GFRA1: variants seen among roughly 807,000 people sequenced by gnomAD.
GFRA1 encodes GDNF family receptor alpha-1.
Under a neutral mutation model 51.6 loss-of-function variants are expected in GFRA1, and 16 were observed. The ratio of observed to expected loss-of-function variants is 0.31; its 90% CI spans 0.21 to 0.47. The LOEUF (loss-of-function observed/expected upper bound fraction) is 0.47, where lower values mean the gene tolerates loss of function less well. Ranked by LOEUF, GFRA1 falls within the 20% of genes least tolerant of loss-of-function variation. The probability of loss-of-function intolerance (pLI) is 1.00; values close to 1 mark genes in which losing one functional copy is unlikely to be tolerated. For synonymous variants in GFRA1, 270 were observed against 241.3 expected (o/e 1.12, Z -1.10); for missense variants, 530 against 594.3 (o/e 0.89, Z 1.13).
intron 9 of GFRA1, among the ~76,000 whole-genome samples, chr10:116,085,151 C>T (rs769012873): frequency 7.2e-5 from 11 of 152,160 alleles, no homozygotes; most frequent in East Asian, 1.9e-4. Context: ...ACCATGGATG[C>T]GTCCTATATT....
At chr10:116,101,170 C>A (rs1331216026) in intron 6 of GFRA1, among the ~76,000 whole-genome samples, 1 of 152,144 alleles carries the variant, frequency 6.6e-6, no homozygotes, top group Non-Finnish European at 1.5e-5. Flanking sequence ...CCCTGCCCAC[C>A]CTGGGTTATG....
At chr10:116,231,543 A>G (rs1036466843) in intron 4 of GFRA1, among the ~76,000 whole-genome samples, 1 of 152,214 alleles carries the variant, frequency 6.6e-6, no homozygotes, top group African/African-American at 2.4e-5. Flanking sequence ...TTTAAAGTGT[A>G]CCTATGTTAG....
At chr10:116,180,180 C>G (rs1309526500) in intron 5 of GFRA1, among the ~76,000 whole-genome samples, 1 of 152,122 alleles carries the variant, frequency 6.6e-6, no homozygotes, top group African/African-American at 2.4e-5. Flanking sequence ...CTGAGGTGAA[C>G]ATTCAGAAAA....
intron 4 of GFRA1, among the ~76,000 whole-genome samples, chr10:116,228,029 T>C (rs114162815): frequency 0.01 from 1,540 of 152,362 alleles, 25 homozygotes; most frequent in African/African-American, 0.035. Flanking sequence ...TTGAGGCATC[T>C]TCAACTTATA....
At chr10:116,209,007 T>C (rs2134431763) in intron 5 of GFRA1, among the ~76,000 whole-genome samples, 1 of 152,298 alleles carries the variant, frequency 6.6e-6, no homozygotes, top group East Asian at 1.9e-4. Flanking sequence ...CTTGAAAACA[T>C]GGCCCCGTGG....
At chr10:116,274,174 C>A (rs571841391), upstream of GFRA1, among the ~76,000 whole-genome samples, 16 of 147,512 alleles carry the variant, frequency 1.1e-4, no homozygotes, top group South Asian at 1.1e-3. Flanking sequence ...CCCCGCCCCC[C>A]ACGCCTGACA....
chr10:116,247,554 G>A (rs571612572), intron 4 of GFRA1, among the ~76,000 whole-genome samples: 27 of 152,254 alleles, frequency 1.8e-4, no homozygotes, highest in African/African-American at 6.0e-4. Context: ...TGACTTACTG[G>A]GGTGCATTTC....
chr10:116,109,455 A>C (rs1387172807), intron 6 of GFRA1, among the ~76,000 whole-genome samples: 2 of 152,158 alleles, frequency 1.3e-5, no homozygotes, highest in Non-Finnish European at 2.9e-5. Flanking sequence ...TAAAAACATA[A>C]AAAAAATAAT....
intron 5 of GFRA1, among the ~76,000 whole-genome samples, chr10:116,141,808 T>C (rs1202982121): frequency 6.6e-6 from 1 of 152,130 alleles, no homozygotes; most frequent in Non-Finnish European, 1.5e-5. Flanking sequence ...GGTCTCAAAC[T>C]CCTGACCTCA....
intron 4 of GFRA1, among the ~76,000 whole-genome samples, chr10:116,221,765 T>C (rs1965942589): frequency 6.6e-6 from 1 of 152,192 alleles, no homozygotes; most frequent in Admixed American, 6.5e-5. Flanking sequence ...CCCATGTTTC[T>C]AGATCCCCAG....
intron 5 of GFRA1, among the ~76,000 whole-genome samples, chr10:116,172,259 T>C (rs1422277158): frequency 6.6e-6 from 1 of 151,968 alleles, no homozygotes; most frequent in Non-Finnish European, 1.5e-5. Flanking sequence ...CACTAGACAT[T>C]AGAGGTAAGA....
chr10:116,065,502 T>G (rs1257956970), intron 10 of GFRA1, 71 bp downstream of exon 10: 1 of 1,224,894 alleles, frequency 8.2e-7, no homozygotes, highest in East Asian at 2.4e-5. Context: ...CTTTATATGA[T>G]ACCCTGCCCC....
At position 116,085,821 on chromosome 10, in the gene GFRA1, G is replaced by A. The variant is rs552344172; in HGVS notation, c.1197+3920C>T. On this transcript the variant is annotated intron_variant, in intron 9 of 10. Coordinates refer to ENST00000355422, the MANE Select transcript of GFRA1 (RefSeq NM_005264.8). ...CCCCTATGTTGTCTCCTGGAATTGA[G>A]GCATGAAGAAAGAAACCCAGTCTGA... 2.0e-5 allele frequency among the ~76,000 whole-genome samples: 3 copies of A among 152,284 alleles called. No individual in the cohort carries two copies. In the East Asian group the frequency reaches 5.8e-4, roughly 29 times the overall value.
At chr10:116,083,114 C>G (rs539907530) in intron 9 of GFRA1, among the ~76,000 whole-genome samples, 2 of 152,354 alleles carry the variant, frequency 1.3e-5, no homozygotes, top group East Asian at 3.9e-4. Context: ...GATTCTCACT[C>G]AGGTCCAACT....
At chr10:116,093,609 C>T (rs557361219) in intron 8 of GFRA1, 93 bp downstream of exon 8, 2 of 1,103,834 alleles carry the variant, frequency 1.8e-6, no homozygotes, top group South Asian at 2.5e-5. Context: ...GCACAAGGTA[C>T]AAGAGGTACA....
At chr10:116,223,356 A>G (rs1020275946) in intron 4 of GFRA1, among the ~76,000 whole-genome samples, 3 of 152,216 alleles carry the variant, frequency 2.0e-5, no homozygotes, top group African/African-American at 7.2e-5. Context: ...AAATGCTAGT[A>G]TTTTCAGAGG....
chr10:116,181,454 C>T (rs887739654), intron 5 of GFRA1, among the ~76,000 whole-genome samples: 4 of 152,180 alleles, frequency 2.6e-5, no homozygotes, highest in African/African-American at 9.7e-5. Context: ...CCCAGCTCTG[C>T]CATCCATCTC....
intron 4 of GFRA1, among the ~76,000 whole-genome samples, chr10:116,269,239 GAA>G (rs5788147): frequency 6.8e-6 from 1 of 147,862 alleles, no homozygotes; most frequent in South Asian, 2.1e-4. Context: ...TTTTAATGTG[GAA>G]AAAAAAAAAT....
intron 6 of GFRA1, among the ~76,000 whole-genome samples, chr10:116,107,872 T>C (rs561423935): frequency 1.3e-5 from 2 of 152,340 alleles, no homozygotes; most frequent in East Asian, 3.9e-4. Context: ...GTTCCCAGAA[T>C]ATGCAGAATT....
Sources: gnomAD v4.1 joint callset for allele counts (sites outside exome capture counted in the v4.1 genomes callset) on GRCh38, gnomAD v4.1.1 for gene constraint, MANE v1.5 for transcripts, NCBI Gene and HGNC (gene_info 2026-07-23, HGNC 2026-07-21) for gene names.